IFT20: variants seen among roughly 807,000 people sequenced by gnomAD.
IFT20 encodes the protein intraflagellar transport protein 20 homolog.
In IFT20, 4 loss-of-function variants were observed where a neutral mutation model predicts 16.9. The observed-to-expected ratio is 0.24, with a 90% CI of 0.12 to 0.54. The LOEUF (loss-of-function observed/expected upper bound fraction) is 0.54. Among genes scored for constraint, IFT20 ranks in the 20% least tolerant of loss-of-function variants. The pLI, the probability that IFT20 is intolerant of heterozygous loss-of-function variation, is 0.95. For synonymous variants in IFT20, 48 were observed against 49.9 expected, an observed-to-expected ratio of 0.96 and a Z score of 0.16; for missense variants, 154 against 149.7, an observed-to-expected ratio of 1.03 and a Z score of -0.15.
intron 1 of IFT20, among the ~76,000 whole-genome samples, chr17:28,333,760 G>A (rs370991954): frequency 4.6e-5 from 7 of 152,214 alleles, no homozygotes; most frequent in South Asian, 4.2e-4. Context: ...GCAAAATACC[G>A]TCTCTACAAA....
chr17:28,333,092 C>CAG (rs1224890445), intron 1 of IFT20, among the ~76,000 whole-genome samples: 3 of 148,016 alleles, frequency 2.0e-5, no homozygotes, highest in Non-Finnish European at 2.9e-5. Context: ...CACACACACA[C>CAG]ACACACACAC....
chr17:28,333,826 G>GA (rs1256189345), intron 1 of IFT20, among the ~76,000 whole-genome samples: 1 of 152,134 alleles, frequency 6.6e-6, no homozygotes, highest in Non-Finnish European at 1.5e-5. Context: ...AGCTACTTGG[G>GA]AGGGTAAGCT....
intron 3 of IFT20, chr17:28,330,028 C>G (rs1372048376): frequency 4.6e-5 from 23 of 502,360 alleles, no homozygotes; most frequent in Admixed American, 4.5e-4. Flanking sequence ...CCATTGCACT[C>G]CAGCCTGGGC....
chr17:28,328,805 G>C (rs1294772198), intron 4 of IFT20, 72 bp from the exon 5 acceptor site: 4 of 893,674 alleles, frequency 4.5e-6, no homozygotes, highest in Non-Finnish European at 7.3e-6. Context: ...TTCTAGAGAA[G>C]GATATAGAGG....
chr17:28,328,665 A>G lies in IFT20; in HGVS notation c.386T>C (p.Ile129Thr), dbSNP rs1555575930. 6.2e-7 allele frequency: 1 copy of G among 1,602,902 alleles called. No individual in the cohort carries two copies. The highest frequency in any genetic ancestry group is 1.7e-5 in the Admixed American group (1 of 57,710). The stretch of plus-strand genomic sequence containing the variant: ...GAAATTTTCAGTTCATTTCTGAAAA[A>G]TAAATTGGTCAATAAATTCATTTTG... ...AEQNEFIDQF[I>T]FQK is the part of the protein sequence containing the mutation. The change falls in exon 5 of 5, where the codon ATT becomes ACT. Residue 129 changes from isoleucine (I) to threonine (T), a missense_variant. Physicochemically the swap from Ile to Thr is moderately conservative, Grantham distance 89. Transcript: ENST00000395418.
rs1555576599 is a variant in IFT20 at position 28,331,897 on chromosome 17, G to A, written c.89C>T (p.Thr30Ile). 1 of 1,614,170 alleles carries A rather than the reference G, an allele frequency of 6.2e-7. No homozygotes were observed. Among genetic ancestry groups the A allele is most frequent in the East Asian group, 2.2e-5 (1 of 44,880 alleles). ...TTTGCACTCTTCCTTCAGCTCTATGGTCTGCTGGGTAACCTCTGGGTCCAA... is the reference window on the plus strand; with the variant it reads ...TTTGCACTCTTCCTTCAGCTCTATGATCTGCTGGGTAACCTCTGGGTCCAA... ...RVLDPEVTQQ[T>I]IELKEECKDF... Residue 30 changes from threonine (T) to isoleucine (I), a missense_variant, in exon 2 of 5, where the codon ACC (threonine) becomes ATC (isoleucine). Physicochemically the swap from Thr to Ile is moderately conservative, Grantham distance 89 (BLOSUM62 -1). Coordinates refer to ENST00000395418, the MANE Select transcript of IFT20 (RefSeq NM_001267776.2).
chr17:28,332,048 C>A, intron 1 of IFT20, 61 bp from the exon 2 acceptor site: 1 of 1,612,320 alleles, frequency 6.2e-7, no homozygotes, highest in Non-Finnish European at 8.5e-7. Flanking sequence ...ATGCCTGCTG[C>A]CAAGCCAGCC....
intron 3 of IFT20, 92 bp downstream of exon 3, chr17:28,330,351 C>G (rs782320062): frequency 3.4e-6 from 3 of 893,572 alleles, no homozygotes; most frequent in Admixed American, 3.5e-5. Flanking sequence ...CAGCCCTCTA[C>G]CCCTCTAAAT....
At chr17:28,329,084 TGAA>T (rs1555576008) in intron 4 of IFT20, 86 bp downstream of exon 4, 1 of 862,654 alleles carries the variant, frequency 1.2e-6, no homozygotes, top group Non-Finnish European at 1.9e-6. Context: ...AAAACAATGA[TGAA>T]GAATAAGGAC....
chr17:28,334,390 C>T (rs868934516), intron 1 of IFT20, among the ~76,000 whole-genome samples: 2 of 152,196 alleles, frequency 1.3e-5, no homozygotes, highest in Admixed American at 6.5e-5. Flanking sequence ...TGATGCATTC[C>T]GAGAACAGAG....
At position 28,328,607 on chromosome 17, in the gene IFT20, C is replaced by CT. The variant is rs781854530; in HGVS notation, c.*44dup. 125 of 1,346,324 alleles carry CT rather than the reference C, an allele frequency of 9.3e-5. No individual in the cohort carries two copies. Among genetic ancestry groups the CT allele is most frequent in the South Asian group, 5.1e-4 (40 of 78,528 alleles). 83.4% of individuals were successfully genotyped at this position (1,346,324 alleles called of 1,614,324 possible). ...CAGAGGTTTTTTTGGTTTTGAGAGGCTTTTTTTTGTTTTGCCTTCCTACTA... is the reference window on the plus strand; with the variant it reads ...CAGAGGTTTTTTTGGTTTTGAGAGGCTTTTTTTTTGTTTTGCCTTCCTACTA... On this transcript the variant is annotated 3_prime_UTR_variant, in exon 5 of 5. Transcript: ENST00000395418.
At chr17:28,330,752 G>A (rs922824359) in intron 2 of IFT20, among the ~76,000 whole-genome samples, 1 of 152,194 alleles carries the variant, frequency 6.6e-6, no homozygotes, top group Non-Finnish European at 1.5e-5. Context: ...GTGTGATCAT[G>A]CCTGTGAACT....
Position 28,329,452 on chromosome 17 carries a change from CAA to C in IFT20, c.214-178_214-177del. On this transcript the variant is annotated intron_variant, in intron 3 of 4. Coordinates refer to ENST00000395418, the MANE Select transcript of IFT20 (RefSeq NM_001267776.2). ...TTAACCTACTGATCACAAAGTGCCT[CAA>C]GAACTAGACGGCAGCTTTGAGGCAG... The C allele has an allele frequency of 1.0e-5, 6 of 580,494 alleles. No homozygotes were observed. In the South Asian group the frequency reaches 1.1e-4, roughly 10 times the overall value. The allele number at this position is 580,494 out of a possible 1,614,324, so 36.0% of individuals were successfully genotyped here.
intron 2 of IFT20, 183 bp downstream of exon 2, chr17:28,331,676 C>A: frequency 1.5e-6 from 1 of 647,830 alleles, no homozygotes; most frequent in Non-Finnish European, 2.7e-6. Context: ...GACTGGTGCC[C>A]TGTTGGGGAC....
Position 28,328,717 on chromosome 17 carries a change from C to T in IFT20, c.334G>A (p.Glu112Lys). Residue 112 changes from glutamate (E) to lysine (K), a missense_variant, in exon 5 of 5, where the codon GAA becomes AAA. Physicochemically the swap from Glu to Lys is moderately conservative, Grantham distance 56. Coordinates refer to ENST00000395418, the MANE Select transcript of IFT20 (RefSeq NM_001267776.2). The stretch of plus-strand genomic sequence containing the variant: ...TCTGCTTCTACTTTACACAAAGCTT[C>T]ATATTCAACCCGATACCTGAAAAAC... ...MQLERYRVEY[E>K]ALCKVEAEQN... 2 of 1,599,990 alleles carry T rather than the reference C, an allele frequency of 1.3e-6. No homozygotes were observed. Among genetic ancestry groups the T allele is most frequent in the Non-Finnish European group, 1.7e-6 (2 of 1,173,550 alleles).
At position 28,328,725 on chromosome 17, in the gene IFT20, A is replaced by G; in HGVS notation, c.326T>C (p.Val109Ala). 6.3e-7 allele frequency: 1 copy of G among 1,593,078 alleles called. No individual in the cohort carries two copies. Among genetic ancestry groups the G allele is most frequent in the Non-Finnish European group, 8.6e-7 (1 of 1,169,496 alleles). The stretch of plus-strand genomic sequence containing the variant: ...TACTTTACACAAAGCTTCATATTCA[A>G]CCCGATACCTGAAAAACAAAATTGT... ...EKKMQLERYR[V>A]EYEALCKVEA... Residue 109 changes from valine (V) to alanine (A), a missense_variant, in exon 5 of 5, where the codon GTT (valine) becomes GCT (alanine). Transcript: ENST00000395418.
intron 4 of IFT20, chr17:28,328,960 C>G: frequency 3.2e-6 from 2 of 616,666 alleles, no homozygotes; most frequent in South Asian, 2.1e-5. Flanking sequence ...CTTTCATGCT[C>G]AAACTACTAG....
chr17:28,332,189 A>G (rs1906833344), intron 1 of IFT20: 1 of 1,537,370 alleles, frequency 6.5e-7, no homozygotes, highest in Admixed American at 2.0e-5. Flanking sequence ...GCTCTGAAGG[A>G]GTGACAGTGG....
At chr17:28,333,072 AACACACAC>A (rs56753724) in intron 1 of IFT20, among the ~76,000 whole-genome samples, 51 of 144,576 alleles carry the variant, frequency 3.5e-4, no homozygotes, top group Admixed American at 2.2e-3. Flanking sequence ...TCTGGCTCAA[AACACACAC>A]ACACACACAC....
Sources: gnomAD v4.1 joint callset for allele counts (sites outside exome capture counted in the v4.1 genomes callset) on GRCh38, gnomAD v4.1.1 for gene constraint, MANE v1.5 for transcripts, NCBI Gene and HGNC (gene_info 2026-07-23, HGNC 2026-07-21) for gene names.